Variants in FARP1 observed in about 807,000 individuals in gnomAD.
FARP1 encodes the protein FERM, ARH/RhoGEF and pleckstrin domain protein 1.
FARP1 carries 52 observed loss-of-function variants against 128.8 expected under a neutral mutation model. The observed-to-expected ratio is 0.40, with a 90% confidence interval of 0.32 to 0.51. The LOEUF (loss-of-function observed/expected upper bound fraction) is 0.51. Among genes scored for constraint, FARP1 ranks in the 20% least tolerant of loss-of-function variants. FARP1 has a pLI of 0.45. For missense variants in FARP1, 1,333 were observed against 1,367.9 expected, an observed-to-expected ratio of 0.97 and a Z score of 0.40; for synonymous variants, 580 against 551.8, an observed-to-expected ratio of 1.05 and a Z score of -0.72.
chr13:98,269,724 T>G (rs1884296715), intron 2 of FARP1, among the ~76,000 whole-genome samples: 1 of 152,242 alleles, frequency 6.6e-6, no homozygotes, highest in Non-Finnish European at 1.5e-5. Flanking sequence ...TTACTATTTT[T>G]CTTAACTACT....
At chr13:98,386,385 A>G (rs1042011595) in intron 8 of FARP1, among the ~76,000 whole-genome samples, 4 of 152,212 alleles carry the variant, frequency 2.6e-5, no homozygotes, top group African/African-American at 9.6e-5. Flanking sequence ...ACTTAAAGAC[A>G]TAATGATTCT....
chr13:98,249,783 GGCCATACC>G (rs1213231808), intron 2 of FARP1, among the ~76,000 whole-genome samples: 2 of 152,076 alleles, frequency 1.3e-5, no homozygotes, highest in African/African-American at 4.8e-5. Flanking sequence ...GGAAACCTGA[GGCCATACC>G]GTTTCTTAGT....
At chr13:98,305,665 T>G (rs58954761) in intron 2 of FARP1, among the ~76,000 whole-genome samples, 1,949 of 149,984 alleles carry the variant, frequency 0.013, 44 homozygotes, top group African/African-American at 0.044. Flanking sequence ...AAGCTTCACT[T>G]CTTTAAGGAC....
At chr13:98,260,119 C>T (rs1003190962) in intron 2 of FARP1, among the ~76,000 whole-genome samples, 2 of 152,144 alleles carry the variant, frequency 1.3e-5, no homozygotes, top group African/African-American at 4.8e-5. Context: ...GTAAGCCTTA[C>T]ATTGGGTAAA....
chr13:98,263,060 G>A (rs557734655), intron 2 of FARP1, among the ~76,000 whole-genome samples: 5 of 152,220 alleles, frequency 3.3e-5, no homozygotes, highest in Admixed American at 1.3e-4. Context: ...CCAGGCTGGA[G>A]TGCCGTCGCG....
intron 2 of FARP1, among the ~76,000 whole-genome samples, chr13:98,231,917 T>C (rs1882135606): frequency 6.6e-6 from 1 of 152,090 alleles, no homozygotes; most frequent in African/African-American, 2.4e-5. Context: ...AACCTCTGCC[T>C]CCCAGGTTCA....
chr13:98,262,519 C>T (rs1216831532), intron 2 of FARP1, among the ~76,000 whole-genome samples: 2 of 152,016 alleles, frequency 1.3e-5, no homozygotes, highest in Non-Finnish European at 2.9e-5. Context: ...GAAGGAGACT[C>T]GCAAAGACTG....
intron 3 of FARP1, among the ~76,000 whole-genome samples, chr13:98,344,588 T>C (rs974980008): frequency 7.9e-5 from 12 of 152,156 alleles, no homozygotes; most frequent in African/African-American, 2.9e-4. Context: ...GGTGGAAATT[T>C]GGATTCAAGA....
chr13:98,321,809 T>C (rs1887003807), intron 2 of FARP1, among the ~76,000 whole-genome samples: 1 of 152,242 alleles, frequency 6.6e-6, no homozygotes, highest in South Asian at 2.1e-4. Flanking sequence ...TTGATAATAT[T>C]AATCATCTGA....
At chr13:98,384,592 T>C in intron 6 of FARP1, 138 bp from the exon 7 acceptor site, 1 of 626,786 alleles carries the variant, frequency 1.6e-6, no homozygotes, top group South Asian at 1.9e-5. Context: ...GTCTCTGAGA[T>C]CTGGCCCTTC....
intron 16 of FARP1, among the ~76,000 whole-genome samples, chr13:98,414,361 C>T (rs1027568730): frequency 1.4e-5 from 2 of 143,418 alleles, no homozygotes; most frequent in African/African-American, 5.0e-5. Context: ...ACCAAATACA[C>T]GACACTGGTC....
intron 2 of FARP1, among the ~76,000 whole-genome samples, chr13:98,237,106 A>G (rs1882467018): frequency 6.6e-6 from 1 of 152,016 alleles, no homozygotes; most frequent in African/African-American, 2.4e-5. Context: ...GGAGTTCAAG[A>G]CCAGCCTGAC....
chr13:98,338,337 G>A lies in FARP1; in HGVS notation c.172-5425G>A, dbSNP rs757082235. 4.5e-4 allele frequency among the ~76,000 whole-genome samples: 69 copies of A among 152,108 alleles called. 1 individual carries two copies. Among genetic ancestry groups the A allele is most frequent in the Non-Finnish European group, 2.6e-4 (18 of 68,028 alleles). ...CCATTTCCCCTCCCCAAAGCCCCTGGCAACCCCCATTCTACTTTCTGTCTT... is the reference window on the plus strand; with the variant it reads ...CCATTTCCCCTCCCCAAAGCCCCTGACAACCCCCATTCTACTTTCTGTCTT... On this transcript the variant is annotated intron_variant, in intron 2 of 26. Transcript: ENST00000319562.
At chr13:98,402,130 C>T (rs8000474) in intron 13 of FARP1, 6 of 152,008 alleles carry the variant, frequency 3.9e-5, no homozygotes, top group East Asian at 1.9e-4. Flanking sequence ...TCTACAGGGC[C>T]GGCGCCGCCA....
At chr13:98,261,960 T>G (rs1050988020) in intron 2 of FARP1, among the ~76,000 whole-genome samples, 3 of 152,014 alleles carry the variant, frequency 2.0e-5, no homozygotes, top group Admixed American at 6.6e-5. Flanking sequence ...TTCCTTTAAC[T>G]GCCCTCCTTG....
chr13:98,305,114 A>ATTT (rs1417568335), intron 2 of FARP1, among the ~76,000 whole-genome samples: 8 of 123,522 alleles, frequency 6.5e-5, no homozygotes, highest in African/African-American at 2.5e-4. Flanking sequence ...GTATATATAT[A>ATTT]TATATTTTTT....
chr13:98,384,582 G>A (rs960381725), intron 6 of FARP1, 148 bp from the exon 7 acceptor site: 19 of 614,496 alleles, frequency 3.1e-5, no homozygotes, highest in Admixed American at 5.6e-5. Flanking sequence ...CTGGCATCCC[G>A]TCTCTGAGAT....
In FARP1 at chr13:98,378,898, T is replaced by TATATATATATA. The variant is rs891210878; in HGVS notation, c.496+999_496+1009dup. On this transcript the variant is annotated intron_variant, in intron 6 of 26. Transcript: ENST00000319562. Reference sequence around the variant, plus strand: ...AGCCTGACCATGTGCCAGCACTATATATATATATATAATATATATATAATA... The same window carrying TATATATATATA: ...AGCCTGACCATGTGCCAGCACTATATATATATATATAATATATATATAATATATATATAATA... Among the ~76,000 whole-genome samples the TATATATATATA allele has an allele frequency of 3.7e-4, 42 of 113,556 alleles. 7 individuals are homozygous for TATATATATATA. The highest frequency in any genetic ancestry group is 3.7e-3 in the Admixed American group (34 of 9,236). The allele number at this position is 113,556 out of a possible 152,430, so 74.5% of individuals were successfully genotyped here.
At chr13:98,372,693 G>T (rs576425443) in intron 5 of FARP1, among the ~76,000 whole-genome samples, 1 of 152,274 alleles carries the variant, frequency 6.6e-6, no homozygotes, top group South Asian at 2.1e-4. Context: ...GCATCAAATG[G>T]GTGTGACATG....
Sources: allele counts gnomAD v4.1 joint callset (sites outside exome capture counted in the v4.1 genomes callset), GRCh38; gene constraint gnomAD v4.1.1; transcripts MANE v1.5; gene names NCBI Gene and HGNC (gene_info 2026-07-23, HGNC 2026-07-21).